The following ERC1 variants were observed in gnomAD, a reference collection of about 807,000 sequenced individuals.
The protein encoded by ERC1 is ELKS/RAB6-interacting/CAST family member 1.
In ERC1, 56 loss-of-function variants were observed where a neutral mutation model predicts 132.0. That is an observed-to-expected ratio of 0.42 (90% CI 0.34 to 0.53). The LOEUF (loss-of-function observed/expected upper bound fraction) is 0.53, where lower values mean the gene tolerates loss of function less well. ERC1 is among the 20% of genes least tolerant of loss of function. The pLI is 0.03. For synonymous variants in ERC1, 478 were observed against 476.1 expected, an observed-to-expected ratio of 1.00 and a Z score of -0.05; for missense variants, 1,202 against 1,349.9, an observed-to-expected ratio of 0.89 and a Z score of 1.72.
At chr12:1,291,839 T>G (rs1315893184) in intron 15 of ERC1, among the ~76,000 whole-genome samples, 1 of 152,172 alleles carries the variant, frequency 6.6e-6, no homozygotes, top group Non-Finnish European at 1.5e-5. Flanking sequence ...AGTGGTGCAT[T>G]GGAAACATTT....
intron 7 of ERC1, among the ~76,000 whole-genome samples, chr12:1,120,801 G>A (rs1439696921): frequency 6.6e-6 from 1 of 152,146 alleles, no homozygotes; most frequent in Non-Finnish European, 1.5e-5. Context: ...AGAGGAAGTG[G>A]TTCTTTTTTT....
At chr12:1,090,863 GTTGTTATTATTATTA>G (rs1300594482) in intron 3 of ERC1, among the ~76,000 whole-genome samples, 609 of 44,596 alleles carry the variant, frequency 0.014, 191 homozygotes, top group African/African-American at 0.047. Context: ...TGTTGTTGTT[GTTGTTATTATTATTA>G]TTATTATTAT....
At chr12:1,437,953 C>T (rs531951536) in intron 17 of ERC1, among the ~76,000 whole-genome samples, 1 of 152,308 alleles carries the variant, frequency 6.6e-6, no homozygotes, top group East Asian at 1.9e-4. Context: ...CCATAAAACC[C>T]TTTCAATCTG....
At chr12:1,176,318 CTT>C (rs1339703814) in intron 8 of ERC1, among the ~76,000 whole-genome samples, 1 of 152,152 alleles carries the variant, frequency 6.6e-6, no homozygotes, top group Admixed American at 6.5e-5. Flanking sequence ...TGAAAGGAAT[CTT>C]TTTTTCTGAG....
intron 13 of ERC1, among the ~76,000 whole-genome samples, chr12:1,256,756 G>A (rs962323650): frequency 2.0e-5 from 3 of 150,632 alleles, no homozygotes; most frequent in African/African-American, 7.4e-5. Flanking sequence ...TCTCAATTCT[G>A]TAGTCTCCAT....
chr12:1,206,522 T>G (rs1286036570), intron 12 of ERC1, among the ~76,000 whole-genome samples: 1 of 152,104 alleles, frequency 6.6e-6, no homozygotes, highest in Non-Finnish European at 1.5e-5. Flanking sequence ...TCCTTTGCAT[T>G]CAGTACAGAG....
chr12:990,188 G>T (rs182473380), upstream of ERC1: 10 of 152,220 alleles, frequency 6.6e-5, no homozygotes, highest in African/African-American at 2.4e-4. Context: ...GAGGTAAGCA[G>T]GAGTAAAATG....
At chr12:1,124,429 A>G (rs1236144183) in intron 7 of ERC1, among the ~76,000 whole-genome samples, 1 of 152,214 alleles carries the variant, frequency 6.6e-6, no homozygotes. Flanking sequence ...AAATATAAAC[A>G]TTTAAAAATG....
rs143526237 is a variant in ERC1, at chr12:1,405,868, T to C, written c.2926-2281T>C. Reference sequence around the variant, plus strand: ...GAGTTTAAGACCAGCCTGGGCAACATAGTGAGACCCCATTTCTAAAGTTTC... The same window carrying C: ...GAGTTTAAGACCAGCCTGGGCAACACAGTGAGACCCCATTTCTAAAGTTTC... On this transcript the variant is annotated intron_variant, in intron 16 of 18. Coordinates refer to ENST00000360905, the MANE Select transcript of ERC1 (RefSeq NM_178040.4). Among the ~76,000 whole-genome samples, 1,388 of 152,182 alleles carry C rather than the reference T, an allele frequency of 9.1e-3. 23 individuals are homozygous for C. Among genetic ancestry groups the C allele is most frequent in the African/African-American group, 0.032 (1,316 of 41,506 alleles).
intron 12 of ERC1, chr12:1,190,289 C>CA (rs145769390): frequency 1.6e-6 from 1 of 612,790 alleles, no homozygotes; most frequent in East Asian, 3.2e-5. Flanking sequence ...AATTGATTGG[C>CA]AAAAAAGAGA....
intron 17 of ERC1, among the ~76,000 whole-genome samples, chr12:1,424,836 TAGATAGA>T (rs777535865): frequency 8.7e-6 from 1 of 115,130 alleles, no homozygotes; most frequent in Admixed American, 8.9e-5. Context: ...GATAGATAGA[TAGATAGA>T]TGATAGATAG....
chr12:1,058,435 A>G (rs1046918053), intron 2 of ERC1, among the ~76,000 whole-genome samples: 2 of 152,196 alleles, frequency 1.3e-5, no homozygotes, highest in Non-Finnish European at 1.5e-5. Flanking sequence ...TCCCAGTACT[A>G]TCTATTGAAG....
intron 15 of ERC1, among the ~76,000 whole-genome samples, chr12:1,332,052 T>A (rs567008698): frequency 6.6e-6 from 1 of 152,340 alleles, no homozygotes; most frequent in East Asian, 1.9e-4. Flanking sequence ...TCATTTCCTT[T>A]CCTTCATTTT....
intron 15 of ERC1, among the ~76,000 whole-genome samples, chr12:1,306,320 G>A (rs1043067625): frequency 2.6e-5 from 4 of 152,164 alleles, no homozygotes; most frequent in African/African-American, 4.8e-5. Flanking sequence ...TAGACCAGGT[G>A]GTATTAAAGG....
At chr12:1,469,588 G>C (rs1295209262) in intron 18 of ERC1, among the ~76,000 whole-genome samples, 2 of 152,204 alleles carry the variant, frequency 1.3e-5, no homozygotes, top group Non-Finnish European at 2.9e-5. Context: ...GAGCTCCGTG[G>C]CTTCACCCAC....
intron 15 of ERC1, among the ~76,000 whole-genome samples, chr12:1,352,874 A>G (rs556851361): frequency 6.6e-6 from 1 of 152,306 alleles, no homozygotes; most frequent in Non-Finnish European, 1.5e-5. Flanking sequence ...ATGTGTATTT[A>G]CTCTAGAATA....
chr12:1,082,484 ATTTTTTT>A (rs143154890), intron 2 of ERC1, among the ~76,000 whole-genome samples: 1 of 113,674 alleles, frequency 8.8e-6, no homozygotes, highest in African/African-American at 3.8e-5. Context: ...AAAAAAAAAA[ATTTTTTT>A]TTTTTTTTTT....
At chr12:1,014,036 A>T (rs75531061) in intron 1 of ERC1, among the ~76,000 whole-genome samples, 7 of 137,770 alleles carry the variant, frequency 5.1e-5, no homozygotes, top group East Asian at 2.3e-4. Flanking sequence ...TTTTTTTTTT[A>T]AACTTCCTGC....
intron 7 of ERC1, among the ~76,000 whole-genome samples, chr12:1,137,379 G>C (rs905222533): frequency 6.6e-6 from 1 of 151,414 alleles, no homozygotes; most frequent in Non-Finnish European, 1.5e-5. Flanking sequence ...TTACAGGTGT[G>C]AGCCACCACG....
Sources: gnomAD v4.1 joint callset for allele counts (sites outside exome capture counted in the v4.1 genomes callset) on GRCh38, gnomAD v4.1.1 for gene constraint, MANE v1.5 for transcripts, NCBI Gene and HGNC (gene_info 2026-07-23, HGNC 2026-07-21) for gene names.